Variants in FBP1 observed in about 807,000 individuals in gnomAD.
The protein encoded by FBP1 is fructose-bisphosphatase 1.
Under a neutral mutation model 29.9 loss-of-function variants are expected in FBP1, and 22 were observed. The observed-to-expected ratio is 0.74, with a 90% CI of 0.53 to 1.05. FBP1 has a LOEUF of 1.05. FBP1 is among the 50% of genes least tolerant of loss of function. The pLI is 0.00. For missense variants in FBP1, 345 were observed against 448.2 expected, an observed-to-expected ratio of 0.77 and a Z score of 2.08; for synonymous variants, 175 against 178.6, an observed-to-expected ratio of 0.98 and a Z score of 0.16.
chr9:94,628,930 G>A (rs1828063740), intron 1 of FBP1, among the ~76,000 whole-genome samples: 1 of 152,164 alleles, frequency 6.6e-6, no homozygotes, highest in Non-Finnish European at 1.5e-5. Flanking sequence ...TATAAAACAA[G>A]TATATATTAC....
chr9:94,617,629 C>T (rs1827882646), intron 3 of FBP1, 139 bp downstream of exon 3: 2 of 707,414 alleles, frequency 2.8e-6, no homozygotes, highest in Admixed American at 4.0e-5. Flanking sequence ...CTGAAAAGCT[C>T]AGAACTTGAG....
chr9:94,609,777 C>T, intron 4 of FBP1, 144 bp downstream of exon 4: 1 of 925,600 alleles, frequency 1.1e-6, no homozygotes, highest in Non-Finnish European at 1.8e-6. Flanking sequence ...TGGTCTCCTG[C>T]CCCCTTTCCA....
rs185693444 is a variant in FBP1, at chr9:94,632,535, G to T, written c.170+6606C>A. 3.4e-4 allele frequency among the ~76,000 whole-genome samples: 51 copies of T among 152,162 alleles called. No individual in the cohort carries two copies. In the East Asian group the frequency reaches 5.8e-3, roughly 17 times the overall value. ...ATACAAAAATTAGTTGAGTGTGGTG[G>T]CAGGAACCTATAATCCCAGCTACCT... is the stretch of plus-strand genomic sequence containing the variant. On this transcript the variant is annotated intron_variant, in intron 1 of 6. Transcript: ENST00000375326.
intron 1 of FBP1, among the ~76,000 whole-genome samples, chr9:94,624,869 G>A (rs1362042740): frequency 6.6e-6 from 1 of 152,018 alleles, no homozygotes; most frequent in Non-Finnish European, 1.5e-5. Context: ...TCTTTTTCCT[G>A]TGATGCCTGG....
At chr9:94,615,414 C>T (rs1014819401) in intron 3 of FBP1, among the ~76,000 whole-genome samples, 1 of 151,802 alleles carries the variant, frequency 6.6e-6, no homozygotes, top group Non-Finnish European at 1.5e-5. Flanking sequence ...GGAGAATGGG[C>T]TTAGTAAACA....
intron 3 of FBP1, among the ~76,000 whole-genome samples, chr9:94,616,065 T>C (rs1051490494): frequency 6.6e-6 from 1 of 152,148 alleles, no homozygotes; most frequent in African/African-American, 2.4e-5. Context: ...CCTGACCTCA[T>C]GATCCGCCCA....
At chr9:94,614,232 A>G (rs1194038578) in intron 3 of FBP1, among the ~76,000 whole-genome samples, 3 of 148,590 alleles carry the variant, frequency 2.0e-5, no homozygotes, top group Admixed American at 2.0e-4. Flanking sequence ...GACAGGGAGA[A>G]GAAAGAGAAA....
intron 1 of FBP1, among the ~76,000 whole-genome samples, chr9:94,634,283 G>C (rs1828157734): frequency 6.9e-6 from 1 of 144,540 alleles, no homozygotes; most frequent in Non-Finnish European, 1.5e-5. Flanking sequence ...AACAGAGCGA[G>C]ACTCTGCCTC....
At chr9:94,639,571 C>G (rs1048238505), upstream of FBP1, 8 of 575,808 alleles carry the variant, frequency 1.4e-5, no homozygotes, top group East Asian at 3.0e-5. Flanking sequence ...GTCGGCCCCC[C>G]GCCCCCGGGA....
chr9:94,624,270 G>A (rs13284668), intron 1 of FBP1, among the ~76,000 whole-genome samples: 39,375 of 150,294 alleles, frequency 0.26, 6,495 homozygotes, highest in East Asian at 0.59. Context: ...CCCGGGAGGC[G>A]GAGCTTGCAG....
Position 94,603,385 on chromosome 9 carries a change from TG to T in FBP1, c.1012del (p.Gln338SerfsTer25), listed in dbSNP as rs1486093556. 2 of 1,613,238 alleles carry T rather than the reference TG, an allele frequency of 1.2e-6. No homozygotes were observed. Among genetic ancestry groups the T allele is most frequent in the Admixed American group, 3.3e-5 (2 of 59,904 alleles). Reference sequence around the variant, plus strand: ...GGATGCAGGCAGGGCAGGTGCTCACTGGGCAGAGTGCTTCTCATACACCTTC... The same window carrying T: ...GGATGCAGGCAGGGCAGGTGCTCACTGGCAGAGTGCTTCTCATACACCTTC... ...FLKVYEKHSA[Q>X] On this transcript the variant is annotated frameshift_variant, in exon 7 of 7. Coordinates refer to ENST00000375326, the MANE Select transcript of FBP1 (RefSeq NM_000507.4). LOFTEE classifies it high-confidence loss of function.
chr9:94,618,003 T>C lies in FBP1; in HGVS notation c.334-143A>G, dbSNP rs1827888779. On this transcript the variant is annotated intron_variant, in intron 2 of 6. Transcript: ENST00000375326. Reference sequence around the variant, plus strand: ...TTTATTTGTACTGTCATGGAAGGCATGAGATGGCATACAGAATGCACAGAT... The same window carrying C: ...TTTATTTGTACTGTCATGGAAGGCACGAGATGGCATACAGAATGCACAGAT... 1.0e-5 allele frequency: 7 copies of C among 685,460 alleles called. No individual in the cohort carries two copies. The South Asian group carries it at 1.2e-4, about 11-fold the overall frequency. 42.5% of individuals were successfully genotyped at this position (685,460 alleles called of 1,614,324 possible). A position where few individuals can be genotyped will look rare whatever the true frequency, so the allele number is the denominator to read the frequency against.
At chr9:94,632,420 A>G (rs1828116946) in intron 1 of FBP1, among the ~76,000 whole-genome samples, 1 of 152,240 alleles carries the variant, frequency 6.6e-6, no homozygotes, top group Non-Finnish European at 1.5e-5. Flanking sequence ...TTGTAAGCCC[A>G]GCACTTTGGG....
rs996243312 is a variant in FBP1, at chr9:94,636,572, CACTGTCTAAGGTTACTT to C, written c.170+2552_170+2568del. On this transcript the variant is annotated intron_variant, in intron 1 of 6. Coordinates refer to ENST00000375326, the MANE Select transcript of FBP1 (RefSeq NM_000507.4). ...ATCAAAATCTCACTATCCAAGGTCC[CACTGTCTAAGGTTACTT>C]AGACAGTGGGACACCTCAAAACACA... 2.4e-4 allele frequency among the ~76,000 whole-genome samples: 37 copies of C among 152,222 alleles called. No individual in the cohort carries two copies. The East Asian group carries it at 3.3e-3, about 14-fold the overall frequency.
rs1213984930 is a variant in FBP1, at chr9:94,603,392, A to AGT, written c.1004_1005dup (p.Ser336ThrfsTer28). ...GGCAGGGCAGGTGCTCACTGGGCAG[A>AGT]GTGCTTCTCATACACCTTCAGGAAC... On this transcript the variant is annotated frameshift_variant, in exon 7 of 7. Transcript: ENST00000375326. LOFTEE classifies it high-confidence loss of function. 7 of 1,613,680 alleles carry AGT rather than the reference A, an allele frequency of 4.3e-6. No homozygotes were observed. Among genetic ancestry groups the AGT allele is most frequent in the Non-Finnish European group, 5.9e-6 (7 of 1,179,838 alleles).
At position 94,603,438 on chromosome 9, in the gene FBP1, T is replaced by C. The variant is rs1769257; in HGVS notation, c.960A>G (p.Gly320=). The C allele has an allele frequency of 0.85, 1,374,051 of 1,613,744 alleles. 586,219 individuals are homozygous for C. Among genetic ancestry groups the C allele is most frequent in the African/African-American group, 0.97 (72,531 of 74,990 alleles). Residue 320 remains glycine (G), a synonymous_variant, in exon 7 of 7, where the codon GGA becomes GGG. Transcript: ENST00000375326. ...DIHQRAPVIL[G]SPDDVLEFLK... ...GGAACTCGAGCACGTCGTCGGGGGA[T>C]CCCAAGATCACCGGCGCCCTCTGGT...
At chr9:94,635,523 G>A (rs1205939040) in intron 1 of FBP1, among the ~76,000 whole-genome samples, 4 of 152,198 alleles carry the variant, frequency 2.6e-5, no homozygotes, top group East Asian at 1.9e-4. Context: ...TTCTAGGTCC[G>A]GTCTTCAGCA....
At chr9:94,627,625 C>A (rs1248660536) in intron 1 of FBP1, among the ~76,000 whole-genome samples, 1 of 152,162 alleles carries the variant, frequency 6.6e-6, no homozygotes, top group Non-Finnish European at 1.5e-5. Context: ...AGAAGACCAT[C>A]CTGCCTTGGA....
At chr9:94,638,878 C>A (rs1229143871) in intron 1 of FBP1, among the ~76,000 whole-genome samples, 1 of 152,120 alleles carries the variant, frequency 6.6e-6, no homozygotes, top group African/African-American at 2.4e-5. Context: ...AAGAGGAATG[C>A]AAGATGGAAT....
Sources: allele counts gnomAD v4.1 joint callset (sites outside exome capture counted in the v4.1 genomes callset), GRCh38; gene constraint gnomAD v4.1.1; transcripts MANE v1.5; gene names NCBI Gene and HGNC (gene_info 2026-07-23, HGNC 2026-07-21).